PRMT3: variants seen among roughly 807,000 people sequenced by gnomAD.
PRMT3 encodes the protein protein arginine N-methyltransferase 3.
In PRMT3, 62 loss-of-function variants were observed where a neutral mutation model predicts 71.9. That is an observed-to-expected ratio of 0.86 (90% CI 0.70 to 1.07). The LOEUF (loss-of-function observed/expected upper bound fraction) is 1.07. Ranked by LOEUF, PRMT3 falls within the 50% of genes least tolerant of loss-of-function variation. PRMT3 has a pLI of 0.00. For synonymous variants in PRMT3, 213 were observed against 220.4 expected, an observed-to-expected ratio of 0.97 and a Z score of 0.30; for missense variants, 663 against 643.0, an observed-to-expected ratio of 1.03 and a Z score of -0.34.
Position 20,397,693 on chromosome 11 carries a change from A to G in PRMT3, c.677A>G (p.His226Arg), listed in dbSNP as rs1270448200. The change falls in exon 7 of 16, where the codon CAT becomes CGT. Residue 226 changes from histidine (H) to arginine (R), a missense_variant. Physicochemically the swap from His to Arg is conservative, Grantham distance 29. Transcript: ENST00000331079. ...EDGVYFSSYG[H>R]YGIHEEMLKD... ...GGTGTTTATTTCAGCTCATACGGGC[A>G]TTATGGGATACATGAAGAAATGCTA... 1 of 1,614,038 alleles carries G rather than the reference A, an allele frequency of 6.2e-7. No individual in the cohort carries two copies. The highest frequency in any genetic ancestry group is 1.3e-5 in the African/African-American group (1 of 74,924).
chr11:20,481,276 G>A (rs1850925321), intron 13 of PRMT3, among the ~76,000 whole-genome samples: 2 of 125,736 alleles, frequency 1.6e-5, no homozygotes, highest in Admixed American at 1.5e-4. Flanking sequence ...AAAAAAAAAA[G>A]TCTGAGAGAA....
rs1412543432 is a variant in PRMT3, at chr11:20,508,393, C to G, written c.1576C>G (p.Gln526Glu). 1.2e-6 allele frequency: 2 copies of G among 1,605,038 alleles called. No homozygotes were observed. Among genetic ancestry groups the G allele is most frequent in the Non-Finnish European group, 1.7e-6 (2 of 1,171,906 alleles). The change falls in exon 16 of 16, where the codon CAA becomes GAA. Residue 526 changes from glutamine (Q) to glutamate (E), a missense_variant. Transcript: ENST00000331079. ...GACCCTCACGTTGAATAATTCAACT[C>G]AAACTTATGGTCTCCAGTGAAACAG... is the stretch of plus-strand genomic sequence containing the variant. ...TVTLTLNNST[Q>E]TYGLQ
At chr11:20,426,924 A>C in intron 10 of PRMT3, 59 bp downstream of exon 10, 2 of 1,459,398 alleles carry the variant, frequency 1.4e-6, no homozygotes, top group South Asian at 2.9e-5. Flanking sequence ...TTTTTAAAGT[A>C]ATAGTTTTCA....
intron 10 of PRMT3, among the ~76,000 whole-genome samples, chr11:20,437,006 A>G (rs775797236): frequency 6.6e-6 from 1 of 152,084 alleles, no homozygotes; most frequent in African/African-American, 2.4e-5. Flanking sequence ...GGTAGGTTGT[A>G]TGTGTCCAGG....
intron 9 of PRMT3, among the ~76,000 whole-genome samples, chr11:20,413,468 A>G (rs1346378673): frequency 2.6e-5 from 4 of 152,166 alleles, no homozygotes; most frequent in African/African-American, 7.2e-5. Context: ...ATGGAGTCTT[A>G]TCTCATAAGA....
intron 11 of PRMT3, among the ~76,000 whole-genome samples, chr11:20,455,055 T>C (rs565049696): frequency 2.6e-5 from 4 of 152,248 alleles, no homozygotes; most frequent in African/African-American, 7.2e-5. Context: ...TAATATTTAC[T>C]AAGCACTAAT....
chr11:20,481,305 C>T (rs181490323), intron 13 of PRMT3, among the ~76,000 whole-genome samples: 1 of 150,432 alleles, frequency 6.6e-6, no homozygotes, highest in Admixed American at 6.6e-5. Flanking sequence ...CTCAGTAGTA[C>T]AGATGATTCT....
At chr11:20,491,782 A>T (rs1301110992) in intron 13 of PRMT3, among the ~76,000 whole-genome samples, 1 of 152,040 alleles carries the variant, frequency 6.6e-6, no homozygotes, top group Non-Finnish European at 1.5e-5. Flanking sequence ...GTGGGTTTGG[A>T]TCTCACCTGA....
chr11:20,506,789 A>G (rs1184734606), intron 15 of PRMT3, among the ~76,000 whole-genome samples: 1 of 152,214 alleles, frequency 6.6e-6, no homozygotes, highest in Non-Finnish European at 1.5e-5. Flanking sequence ...ATTTAAGCAA[A>G]GAATGGTGAT....
chr11:20,492,987 C>T (rs571677524), intron 13 of PRMT3, among the ~76,000 whole-genome samples: 56 of 152,096 alleles, frequency 3.7e-4, no homozygotes, highest in African/African-American at 1.3e-3. Context: ...CCCGTCTCTA[C>T]TAAAAATATA....
Position 20,395,877 on chromosome 11 carries a change from G to T in PRMT3, c.475G>T (p.Val159Phe). The T allele has an allele frequency of 1.2e-6, 2 of 1,614,074 alleles. No individual in the cohort carries two copies. The highest frequency in any genetic ancestry group is 1.7e-6 in the Non-Finnish European group (2 of 1,179,994). The change falls in exon 6 of 16, where the codon GTT becomes TTT. Residue 159 changes from valine (V) to phenylalanine (F), a missense_variant. Val to Phe is a conservative substitution (Grantham distance 50). Transcript: ENST00000331079. ...TGGACTCAGTGAAAATACATCTGTT[G>T]TTGAAAAATTGAAACATATGGAAGC... ...PNGLSENTSV[V>F]EKLKHMEARA... is the part of the protein sequence containing the mutation.
intron 13 of PRMT3, among the ~76,000 whole-genome samples, chr11:20,467,613 G>A (rs547142235): frequency 3.0e-3 from 83 of 27,606 alleles, no homozygotes; most frequent in South Asian, 1.6e-3. Context: ...TGTATAATCA[G>A]AATTCACTCT....
intron 5 of PRMT3, chr11:20,393,761 A>C (rs1848767603): frequency 6.6e-6 from 1 of 152,230 alleles, no homozygotes; most frequent in Admixed American, 6.5e-5. Flanking sequence ...AACATTAAAA[A>C]GTTTTTATTA....
At chr11:20,402,382 G>T (rs1047450319) in intron 7 of PRMT3, among the ~76,000 whole-genome samples, 2 of 152,080 alleles carry the variant, frequency 1.3e-5, no homozygotes, top group Non-Finnish European at 2.9e-5. Flanking sequence ...GCCTCCCAAA[G>T]TGCTGGGATT....
At chr11:20,504,707 T>TGTGTGTGTGAGAGA (rs1332372470) in intron 15 of PRMT3, among the ~76,000 whole-genome samples, 5 of 133,590 alleles carry the variant, frequency 3.7e-5, no homozygotes, top group African/African-American at 1.5e-4. Flanking sequence ...TGTGTGTGTG[T>TGTGTGTGTGAGAGA]GAGAGAGAGA....
chr11:20,452,461 A>G (rs948822977), intron 11 of PRMT3, among the ~76,000 whole-genome samples: 1 of 152,192 alleles, frequency 6.6e-6, no homozygotes, highest in Admixed American at 6.5e-5. Context: ...ATAAATATCT[A>G]AAGACTAGGT....
At chr11:20,409,664 C>G (rs1231217191) in intron 9 of PRMT3, among the ~76,000 whole-genome samples, 1 of 149,402 alleles carries the variant, frequency 6.7e-6, no homozygotes, top group East Asian at 1.9e-4. Flanking sequence ...AACACACACA[C>G]ACACACACAC....
chr11:20,399,270 A>T (rs546849697), intron 7 of PRMT3, among the ~76,000 whole-genome samples: 1 of 152,162 alleles, frequency 6.6e-6, no homozygotes, highest in Non-Finnish European at 1.5e-5. Flanking sequence ...GATAACATGT[A>T]TATATTTTGT....
intron 13 of PRMT3, among the ~76,000 whole-genome samples, chr11:20,470,381 C>T (rs921881112): frequency 6.6e-6 from 1 of 152,122 alleles, no homozygotes; most frequent in African/African-American, 2.4e-5. Flanking sequence ...GCTGTTCTTC[C>T]CTCAACCTCC....
Sources: allele counts gnomAD v4.1 joint callset (sites outside exome capture counted in the v4.1 genomes callset), GRCh38; gene constraint gnomAD v4.1.1; transcripts MANE v1.5; gene names NCBI Gene and HGNC (gene_info 2026-07-23, HGNC 2026-07-21).